AKAP13: variants seen among roughly 807,000 people sequenced by gnomAD.
AKAP13 encodes the protein A-kinase anchoring protein 13.
Under a neutral mutation model 264.5 loss-of-function variants are expected in AKAP13, and 80 were observed. The observed-to-expected ratio is 0.30, with a 90% CI of 0.25 to 0.36. The LOEUF (loss-of-function observed/expected upper bound fraction) is 0.36, where lower values mean the gene tolerates loss of function less well. AKAP13 is among the 10% of genes least tolerant of loss of function. The pLI, the probability that AKAP13 is intolerant of heterozygous loss-of-function variation, is 1.00. For synonymous variants in AKAP13, 1,380 were observed against 1,250.2 expected (o/e 1.10, Z -2.19); for missense variants, 3,712 against 3,435.2 (o/e 1.08, Z -2.01).
chr15:85,630,234 AACACACAC>A (rs71141472), intron 8 of AKAP13, among the ~76,000 whole-genome samples: 10 of 119,166 alleles, frequency 8.4e-5, no homozygotes, highest in Admixed American at 2.6e-4. Context: ...GGAAAATTGT[AACACACAC>A]ACACACACAC....
chr15:85,598,009 T>A (rs1019255755), intron 8 of AKAP13, among the ~76,000 whole-genome samples: 1 of 152,132 alleles, frequency 6.6e-6, no homozygotes, highest in African/African-American at 2.4e-5. Flanking sequence ...CAATATTCTT[T>A]ATCTTTTGGT....
chr15:85,666,776 A>C (rs2083628743), intron 13 of AKAP13, among the ~76,000 whole-genome samples: 1 of 151,128 alleles, frequency 6.6e-6, no homozygotes, highest in African/African-American at 2.4e-5. Context: ...GTCTCTTGAA[A>C]CTCCTGTCTT....
intron 4 of AKAP13, chr15:85,536,293 CATT>C (rs1391395586): frequency 6.6e-6 from 1 of 152,226 alleles, no homozygotes; most frequent in East Asian, 1.9e-4. Context: ...AATGAGATAT[CATT>C]ACACATTTAT....
intron 26 of AKAP13, among the ~76,000 whole-genome samples, chr15:85,725,155 G>A (rs1336900131): frequency 6.6e-6 from 1 of 152,208 alleles, no homozygotes; most frequent in African/African-American, 2.4e-5. Context: ...ATAAAGTTGT[G>A]GTCAAGCCAG....
At chr15:85,635,077 C>T (rs971856902) in intron 8 of AKAP13, 26 of 398,000 alleles carry the variant, frequency 6.5e-5, no homozygotes, top group African/African-American at 4.3e-4. Flanking sequence ...GATTCTTCTT[C>T]GGTAAATGAA....
At chr15:85,381,900 A>T (rs112221202) in intron 1 of AKAP13, 70 of 152,306 alleles carry the variant, frequency 4.6e-4, no homozygotes, top group African/African-American at 1.5e-3. Flanking sequence ...TGGATTGCGC[A>T]GATGAGGACA....
chr15:85,462,795 C>T (rs1230666955), intron 1 of AKAP13, among the ~76,000 whole-genome samples: 9 of 151,706 alleles, frequency 5.9e-5, no homozygotes, highest in African/African-American at 2.2e-4. Context: ...GAGGCCGAGG[C>T]GGGCGGATCA....
At chr15:85,730,474 ACAC>A (rs2087925198) in intron 29 of AKAP13, 36 bp from the exon 30 acceptor site, 2 of 1,600,832 alleles carry the variant, frequency 1.2e-6, no homozygotes, top group South Asian at 2.2e-5. Context: ...TAATTACTAA[ACAC>A]CAATCAAATC....
intron 33 of AKAP13, 47 bp downstream of exon 33, chr15:85,736,181 T>C (rs755294675): frequency 6.8e-7 from 1 of 1,474,784 alleles, no homozygotes; most frequent in South Asian, 1.2e-5. Flanking sequence ...TTGTTGTCAT[T>C]GTCAAGTTAG....
chr15:85,712,661 A>T (rs2151702864), intron 19 of AKAP13, among the ~76,000 whole-genome samples: 1 of 152,044 alleles, frequency 6.6e-6, no homozygotes, highest in East Asian at 1.9e-4. Context: ...CTCCTGCCTC[A>T]GCCTCCCAAG....
At chr15:85,500,061 A>G (rs889110205) in intron 2 of AKAP13, among the ~76,000 whole-genome samples, 4 of 152,206 alleles carry the variant, frequency 2.6e-5, no homozygotes, top group African/African-American at 7.2e-5. Flanking sequence ...TTTGCCAAAG[A>G]TGAGAGTTTT....
At chr15:85,409,728 A>T (rs1325036451) in intron 1 of AKAP13, among the ~76,000 whole-genome samples, 1 of 147,192 alleles carries the variant, frequency 6.8e-6, no homozygotes, top group Non-Finnish European at 1.5e-5. Context: ...CCTCCTGGGT[A>T]CACGCCATTC....
chr15:85,735,220 T>G, intron 31 of AKAP13, 70 bp downstream of exon 31: 1 of 1,552,962 alleles, frequency 6.4e-7, no homozygotes, highest in African/African-American at 1.4e-5. Context: ...AAATGACTTG[T>G]ACTTTAGTAG....
chr15:85,581,007 T>C lies in AKAP13; in HGVS notation c.2939T>C (p.Leu980Pro), dbSNP rs755794056. The C allele has an allele frequency of 1.9e-6, 3 of 1,613,766 alleles. No individual in the cohort carries two copies. Among genetic ancestry groups the C allele is most frequent in the South Asian group, 2.2e-5 (2 of 91,082 alleles). ...ADCAKDKALQ[L>P]SNSPGASSAF... Reference sequence around the variant, plus strand: ...TGTGCCAAGGACAAAGCACTTCAGCTAAGTAATTCACCGGGTGCATCCTCT... The same window carrying C: ...TGTGCCAAGGACAAAGCACTTCAGCCAAGTAATTCACCGGGTGCATCCTCT... The change falls in exon 7 of 37, where the codon CTA (leucine) becomes CCA (proline). Residue 980 changes from leucine to proline, a missense_variant. Leu to Pro is a moderately conservative substitution (Grantham distance 98). This residue lies in a region of AKAP13 where 2,759 missense variants were observed against 2,411.7 expected (regional missense o/e 1.14). Coordinates refer to ENST00000394518, the MANE Select transcript of AKAP13 (RefSeq NM_007200.5).
At chr15:85,383,906 A>G (rs1490704353) in intron 1 of AKAP13, among the ~76,000 whole-genome samples, 1 of 152,236 alleles carries the variant, frequency 6.6e-6, no homozygotes, top group African/African-American at 2.4e-5. Context: ...TTAGTTCAGT[A>G]CAGAGACATG....
At chr15:85,387,105 C>T (rs991302993) in intron 1 of AKAP13, among the ~76,000 whole-genome samples, 11 of 151,704 alleles carry the variant, frequency 7.3e-5, no homozygotes, top group African/African-American at 1.5e-4. Flanking sequence ...GAGGCTGAGG[C>T]GGGTGGATCA....
chr15:85,444,278 C>A (rs1038480636), intron 1 of AKAP13, among the ~76,000 whole-genome samples: 3 of 152,108 alleles, frequency 2.0e-5, no homozygotes, highest in African/African-American at 7.2e-5. Flanking sequence ...GAGTGGAGCA[C>A]GTTGCTGCTA....
chr15:85,586,279 T>C (rs1012002251), intron 8 of AKAP13, among the ~76,000 whole-genome samples: 8 of 151,902 alleles, frequency 5.3e-5, no homozygotes, highest in African/African-American at 1.9e-4. Context: ...CAACCTCTGC[T>C]TCCTGGGTGA....
chr15:85,638,027 T>C (rs2082142503), intron 8 of AKAP13, among the ~76,000 whole-genome samples: 1 of 150,386 alleles, frequency 6.6e-6, no homozygotes, highest in Non-Finnish European at 1.5e-5. Flanking sequence ...TGCAGGCGCC[T>C]GCCACCATGC....
Sources: allele counts gnomAD v4.1 joint callset (sites outside exome capture counted in the v4.1 genomes callset), GRCh38; gene constraint gnomAD v4.1.1; regional missense constraint gnomAD v4.1.1; transcripts MANE v1.5; gene names NCBI Gene and HGNC (gene_info 2026-07-23, HGNC 2026-07-21).